SEPTIN10: variants seen among roughly 807,000 people sequenced by gnomAD.
The protein encoded by SEPTIN10 is septin-10.
In SEPTIN10, 66 loss-of-function variants were observed where a neutral mutation model predicts 54.8. The observed-to-expected ratio is 1.21, with a 90% CI of 0.99 to 1.48. SEPTIN10 has a LOEUF of 1.48. Among genes scored for constraint, SEPTIN10 ranks in the 40% most tolerant of loss-of-function variants. The probability of loss-of-function intolerance (pLI) is 0.00; values close to 1 mark genes in which losing one functional copy is unlikely to be tolerated. For missense variants in SEPTIN10, 620 were observed against 545.6 expected, an observed-to-expected ratio of 1.14 and a Z score of -1.36; for synonymous variants, 161 against 181.0, an observed-to-expected ratio of 0.89 and a Z score of 0.89.
At chr2:109,605,893 CAGTATAAATGTATGTTAAGA>C (rs1359189205) in intron 1 of SEPTIN10, among the ~76,000 whole-genome samples, 2 of 152,144 alleles carry the variant, frequency 1.3e-5, no homozygotes, top group African/African-American at 4.8e-5. Flanking sequence ...AGCATGACAT[CAGTATAAATGTATGTTAAGA>C]AGGCTGTTAG....
In SEPTIN10 at chr2:109,543,937, C is replaced by A; in HGVS notation, c.*372G>T. 1 of 551,186 alleles carries A rather than the reference C, an allele frequency of 1.8e-6. No individual in the cohort carries two copies. The highest frequency in any genetic ancestry group is 2.3e-5 in the South Asian group (1 of 43,562). 34.1% of individuals were successfully genotyped at this position (551,186 alleles called of 1,614,324 possible). A position where few individuals can be genotyped will look rare whatever the true frequency, so the allele number is the denominator to read the frequency against. On this transcript the variant is annotated 3_prime_UTR_variant, in exon 11 of 11. Coordinates refer to ENST00000397712, the MANE Select transcript of SEPTIN10 (RefSeq NM_144710.5). ...TTTCACATCCACCTTATACATATAG[C>A]CTGAAAGTAATTTATACAAAAATTT...
Position 109,546,153 on chromosome 2 carries a change from C to A in SEPTIN10, c.1246G>T (p.Glu416Ter). The change falls in exon 10 of 11, where the codon GAA (glutamate) becomes TAA (stop). Residue 416 changes from glutamate to a stop codon, truncating the protein, a stop_gained. Transcript: ENST00000397712. LOFTEE classifies it high-confidence loss of function. ...LEEKRRLLEE[E>*]IIAFSKKKAT... ...TTCTTTTTAGAGAAAGCAATTATTT[C>A]TTCTTCCAAAAGTCTTCTCTTTTCT... The A allele has an allele frequency of 6.2e-7, 1 of 1,611,646 alleles. No individual in the cohort carries two copies.
In SEPTIN10 at chr2:109,574,612, T is replaced by C. The variant is rs540248161; in HGVS notation, c.569A>G (p.Asp190Gly). 11 of 1,597,864 alleles carry C rather than the reference T, an allele frequency of 6.9e-6. No homozygotes were observed. The highest frequency in any genetic ancestry group is 5.2e-5 in the Admixed American group (3 of 57,452). ...GTCAAGGTTCTTCATGGTTAAGAGA[T>C]CAAGTGTCTTCAGAGAGTGGCCTGT... Reference protein sequence around the residue: ...SPTGHSLKTLDLLTMKNLDSK... With the variant: ...SPTGHSLKTLGLLTMKNLDSK... Residue 190 changes from aspartate (D) to glycine (G), a missense_variant, in exon 5 of 11, where the codon GAT becomes GGT. By Grantham distance (94) the Asp-to-Gly change is moderately conservative. Coordinates refer to ENST00000397712, the MANE Select transcript of SEPTIN10 (RefSeq NM_144710.5).
intron 1 of SEPTIN10, among the ~76,000 whole-genome samples, chr2:109,601,628 G>C (rs887347723): frequency 1.3e-5 from 2 of 152,006 alleles, no homozygotes; most frequent in African/African-American, 4.8e-5. Flanking sequence ...CTCTTTGCTT[G>C]TCATGTGTAT....
intron 10 of SEPTIN10, chr2:109,545,591 C>A: frequency 1.3e-6 from 2 of 1,533,134 alleles, no homozygotes; most frequent in South Asian, 1.2e-5. Context: ...AGAATTTGTT[C>A]TAAAAAACTG....
chr2:109,586,283 C>T (rs1379826391), intron 2 of SEPTIN10, among the ~76,000 whole-genome samples: 3 of 152,148 alleles, frequency 2.0e-5, no homozygotes, highest in African/African-American at 7.2e-5. Flanking sequence ...AACTTACCTG[C>T]CTACTGGTAA....
intron 4 of SEPTIN10, among the ~76,000 whole-genome samples, chr2:109,582,016 T>C (rs1389578754): frequency 6.6e-6 from 1 of 152,100 alleles, no homozygotes; most frequent in Non-Finnish European, 1.5e-5. Flanking sequence ...GCAGCATTTC[T>C]GTATATCAAT....
intron 4 of SEPTIN10, among the ~76,000 whole-genome samples, chr2:109,582,235 C>T (rs1278202172): frequency 6.6e-6 from 1 of 152,086 alleles, no homozygotes; most frequent in East Asian, 1.9e-4. Flanking sequence ...AAAAAATGCT[C>T]ATGGAATCAA....
At chr2:109,577,830 T>C (rs1690059933) in intron 4 of SEPTIN10, among the ~76,000 whole-genome samples, 1 of 149,144 alleles carries the variant, frequency 6.7e-6, no homozygotes, top group African/African-American at 2.5e-5. Context: ...TAAGAATCAC[T>C]TGAACCCAGG....
intron 4 of SEPTIN10, among the ~76,000 whole-genome samples, chr2:109,582,728 C>T (rs748979549): frequency 1.3e-5 from 2 of 152,152 alleles, no homozygotes; most frequent in Non-Finnish European, 2.9e-5. Flanking sequence ...CAAAGCAATA[C>T]TAAGCAAAAG....
At chr2:109,608,546 G>A (rs1217431499) in intron 1 of SEPTIN10, among the ~76,000 whole-genome samples, 1 of 152,178 alleles carries the variant, frequency 6.6e-6, no homozygotes, top group Non-Finnish European at 1.5e-5. Flanking sequence ...GTGAGGAGGG[G>A]CTGGGGAGCC....
chr2:109,576,307 C>T (rs375021166), intron 4 of SEPTIN10, among the ~76,000 whole-genome samples: 68 of 151,824 alleles, frequency 4.5e-4, no homozygotes, highest in Non-Finnish European at 7.9e-4. Flanking sequence ...TTGTGTTGCC[C>T]GGGCTGGTCT....
chr2:109,586,930 C>T (rs553850264), intron 2 of SEPTIN10, among the ~76,000 whole-genome samples: 31 of 152,184 alleles, frequency 2.0e-4, no homozygotes, highest in African/African-American at 7.5e-4. Flanking sequence ...GTTCAAGACT[C>T]TGCAGAAGAA....
intron 2 of SEPTIN10, among the ~76,000 whole-genome samples, chr2:109,586,815 C>A (rs1692658898): frequency 6.6e-6 from 1 of 152,160 alleles, no homozygotes; most frequent in African/African-American, 2.4e-5. Flanking sequence ...CATAACTCAG[C>A]AATCAGAAAG....
chr2:109,591,124 T>A (rs1057324338), intron 2 of SEPTIN10, among the ~76,000 whole-genome samples: 2 of 152,250 alleles, frequency 1.3e-5, no homozygotes, highest in East Asian at 1.9e-4. Context: ...TTTTTAGTCA[T>A]GTAAGCATGT....
chr2:109,574,858 A>G (rs2105447189), intron 4 of SEPTIN10, 91 bp from the exon 5 acceptor site: 1 of 850,394 alleles, frequency 1.2e-6, no homozygotes, highest in Non-Finnish European at 1.7e-6. Context: ...CTATATTTTC[A>G]CTAATTAATA....
chr2:109,568,491 C>T (rs1687606554), intron 5 of SEPTIN10, among the ~76,000 whole-genome samples: 1 of 151,448 alleles, frequency 6.6e-6, no homozygotes, highest in Non-Finnish European at 1.5e-5. Context: ...CTTCCCTCAA[C>T]CTCCCAAGTA....
At chr2:109,551,305 TAAC>T (rs997764062) in intron 9 of SEPTIN10, among the ~76,000 whole-genome samples, 35 of 152,366 alleles carry the variant, frequency 2.3e-4, no homozygotes, top group African/African-American at 6.7e-4. Flanking sequence ...CATATTTAAA[TAAC>T]AGTCCTTTAA....
At position 109,543,536 on chromosome 2, in the gene SEPTIN10, G is replaced by T. The variant is rs75734558; in HGVS notation, c.*773C>A. On this transcript the variant is annotated 3_prime_UTR_variant, in exon 11 of 11. Coordinates refer to ENST00000397712, the MANE Select transcript of SEPTIN10 (RefSeq NM_144710.5). Reference sequence around the variant, plus strand: ...TTAAGTTCTATAAAACTATTAAGAGGTTAGAGTTTTAGCTCCATAATACAT... The same window carrying T: ...TTAAGTTCTATAAAACTATTAAGAGTTTAGAGTTTTAGCTCCATAATACAT... 1 of 152,130 alleles carries T rather than the reference G, an allele frequency of 6.6e-6. No individual in the cohort carries two copies. The highest frequency in any genetic ancestry group is 1.9e-4 in the East Asian group (1 of 5,200). The allele number at this position is 152,130 out of a possible 1,614,324, so 9.4% of individuals were successfully genotyped here.
Sources: gnomAD v4.1 joint callset for allele counts (sites outside exome capture counted in the v4.1 genomes callset) on GRCh38, gnomAD v4.1.1 for gene constraint, MANE v1.5 for transcripts, NCBI Gene and HGNC (gene_info 2026-07-23, HGNC 2026-07-21) for gene names.